The following SLC1A2 variants were observed in gnomAD, a reference collection of about 807,000 sequenced individuals.
The protein encoded by SLC1A2 is excitatory amino acid transporter 2.
SLC1A2 carries 15 observed loss-of-function variants against 48.8 expected under a neutral mutation model. The observed-to-expected ratio is 0.31, with a 90% confidence interval of 0.21 to 0.47. The LOEUF is 0.47. SLC1A2 is among the 20% of genes least tolerant of loss of function. SLC1A2 has a pLI of 0.99. For synonymous variants in SLC1A2, 279 were observed against 272.6 expected, an observed-to-expected ratio of 1.02 and a Z score of -0.23; for missense variants, 502 against 730.5, an observed-to-expected ratio of 0.69 and a Z score of 3.61.
At chr11:35,264,028 G>C (rs924418884) in intron 10 of SLC1A2, 1 of 152,192 alleles carries the variant, frequency 6.6e-6, no homozygotes, top group Admixed American at 6.5e-5. Flanking sequence ...GGAAACACCA[G>C]CTTTCCATGA....
chr11:35,378,398 A>G (rs1302328254), intron 1 of SLC1A2, among the ~76,000 whole-genome samples: 2 of 152,264 alleles, frequency 1.3e-5, no homozygotes, highest in African/African-American at 4.8e-5. Context: ...CATCAAAAAC[A>G]GAAGAAATAC....
rs142826775 is a variant in SLC1A2 at position 35,357,755 on chromosome 11, A to G, written c.18-40239T>C. 1.5e-3 allele frequency among the ~76,000 whole-genome samples: 229 copies of G among 152,350 alleles called. 3 individuals carry two copies. The East Asian group carries it at 0.023, about 15-fold the overall frequency. Reference sequence around the variant, plus strand: ...AGGTCCTACATATTGTCCACACAATATAAGAGTGACCATTAGGACAACAAC... The same window carrying G: ...AGGTCCTACATATTGTCCACACAATGTAAGAGTGACCATTAGGACAACAAC... On this transcript the variant is annotated intron_variant, in intron 1 of 10. Coordinates refer to ENST00000278379, the MANE Select transcript of SLC1A2 (RefSeq NM_004171.4).
At chr11:35,295,928 AGCTTACCTGGATTCCCTGG>A (rs1340008263) in intron 6 of SLC1A2, among the ~76,000 whole-genome samples, 1 of 152,144 alleles carries the variant, frequency 6.6e-6, no homozygotes, top group East Asian at 1.9e-4. Context: ...GGCTTACCTG[AGCTTACCTGGATTCCCTGG>A]GCTTACCACA....
chr11:35,312,596 G>A (rs1428525589), intron 3 of SLC1A2, 148 bp from the exon 4 acceptor site: 2 of 977,838 alleles, frequency 2.0e-6, no homozygotes, highest in East Asian at 5.3e-5. Context: ...CAATATCCAT[G>A]AGAGGGTTGG....
In SLC1A2 at chr11:35,419,258, G is replaced by A; in HGVS notation, c.-292C>T. ...CGGGGGCTCCGAGGGTGGCTTCCCC[G>A]AGAGAGCGATGCGCCCAGGGCTGCA... On this transcript the variant is annotated 5_prime_UTR_variant, in exon 1 of 11. Transcript: ENST00000278379. The surrounding 1 kb of genome is among the most constrained non-coding windows in gnomAD (Gnocchi z 5.4). 1 of 383,124 alleles carries A rather than the reference G, an allele frequency of 2.6e-6. No individual in the cohort carries two copies. Among genetic ancestry groups the A allele is most frequent in the East Asian group, 4.4e-5 (1 of 22,860 alleles). 23.7% of individuals were successfully genotyped at this position (383,124 alleles called of 1,614,324 possible).
chr11:35,402,407 T>C (rs992873459), intron 1 of SLC1A2, among the ~76,000 whole-genome samples: 1 of 152,188 alleles, frequency 6.6e-6, no homozygotes, highest in African/African-American at 2.4e-5. Flanking sequence ...CACATCCAGG[T>C]GCTGGGAGGG....
chr11:35,305,927 C>T, intron 5 of SLC1A2, 147 bp downstream of exon 5: 1 of 628,214 alleles, frequency 1.6e-6, no homozygotes, highest in Admixed American at 3.0e-5. Flanking sequence ...GCTCAGCTCT[C>T]AGTCCCAGTG....
At chr11:35,416,642 G>A (rs1346851052) in intron 1 of SLC1A2, among the ~76,000 whole-genome samples, 1 of 152,158 alleles carries the variant, frequency 6.6e-6, no homozygotes, top group African/African-American at 2.4e-5. Flanking sequence ...ATCAAACAAA[G>A]TTGAACTGAA....
At chr11:35,319,785 T>C (rs1851999541) in intron 1 of SLC1A2, among the ~76,000 whole-genome samples, 1 of 152,192 alleles carries the variant, frequency 6.6e-6, no homozygotes. Flanking sequence ...CCTGAAGCCC[T>C]GAATCAAAAC....
chr11:35,408,382 G>T (rs936368691), intron 1 of SLC1A2, among the ~76,000 whole-genome samples: 1 of 152,212 alleles, frequency 6.6e-6, no homozygotes, highest in African/African-American at 2.4e-5. Flanking sequence ...GACCCAGAGG[G>T]AGGTAATTGA....
chr11:35,275,010 G>A (rs892619163), intron 9 of SLC1A2, among the ~76,000 whole-genome samples: 1 of 152,190 alleles, frequency 6.6e-6, no homozygotes, highest in Non-Finnish European at 1.5e-5. Context: ...TTCTGGAAGG[G>A]AGAGTCCCTG....
intron 1 of SLC1A2, among the ~76,000 whole-genome samples, chr11:35,337,853 C>G (rs939380299): frequency 1.3e-5 from 2 of 152,172 alleles, no homozygotes; most frequent in Non-Finnish European, 2.9e-5. Flanking sequence ...AGTTTAGAAA[C>G]AGTCCTGGAA....
At chr11:35,411,306 T>C (rs910409538) in intron 1 of SLC1A2, among the ~76,000 whole-genome samples, 3 of 152,234 alleles carry the variant, frequency 2.0e-5, no homozygotes, top group Non-Finnish European at 4.4e-5. Context: ...CATCAGCCAC[T>C]TTAGAATGTC....
At chr11:35,370,575 G>A (rs1045450263) in intron 1 of SLC1A2, among the ~76,000 whole-genome samples, 2 of 152,144 alleles carry the variant, frequency 1.3e-5, no homozygotes, top group African/African-American at 4.8e-5. Flanking sequence ...CATATGGGTT[G>A]GAGGAGAAGC....
At chr11:35,296,948 G>A (rs78976760) in intron 6 of SLC1A2, among the ~76,000 whole-genome samples, 302 of 152,102 alleles carry the variant, frequency 2.0e-3, no homozygotes, top group Non-Finnish European at 3.6e-3. Flanking sequence ...AGCTCCACAA[G>A]GGCCAGAACC....
intron 1 of SLC1A2, among the ~76,000 whole-genome samples, chr11:35,334,316 G>A (rs1034918589): frequency 6.6e-6 from 1 of 152,142 alleles, no homozygotes; most frequent in African/African-American, 2.4e-5. Context: ...AGCAGCCCCT[G>A]TCCCTTTTGG....
chr11:35,293,045 G>T (rs1395972480), intron 6 of SLC1A2, among the ~76,000 whole-genome samples: 2 of 152,118 alleles, frequency 1.3e-5, no homozygotes, highest in African/African-American at 4.8e-5. Context: ...TACATTTAGA[G>T]AAAAGTGGTT....
intron 1 of SLC1A2, among the ~76,000 whole-genome samples, chr11:35,356,595 A>G (rs1014611781): frequency 4.6e-5 from 7 of 152,232 alleles, no homozygotes; most frequent in African/African-American, 1.7e-4. Flanking sequence ...GGGCAGCAAA[A>G]TTCAAGGATC....
At chr11:35,392,617 C>T (rs1854817805) in intron 1 of SLC1A2, among the ~76,000 whole-genome samples, 1 of 152,218 alleles carries the variant, frequency 6.6e-6, no homozygotes, top group South Asian at 2.1e-4. Context: ...AAGGCCCACC[C>T]TTTGGCTGCC....
Sources: allele counts gnomAD v4.1 joint callset (sites outside exome capture counted in the v4.1 genomes callset), GRCh38; gene constraint gnomAD v4.1.1; non-coding constraint Gnocchi (gnomAD v3.1); transcripts MANE v1.5; gene names NCBI Gene and HGNC (gene_info 2026-07-23, HGNC 2026-07-21).